The following CSNK1G1 variants were observed in gnomAD, a reference collection of about 807,000 sequenced individuals.
CSNK1G1 encodes casein kinase I isoform gamma-1.
CSNK1G1 carries 22 observed loss-of-function variants against 59.6 expected under a neutral mutation model. The ratio of observed to expected loss-of-function variants is 0.37; its 90% CI spans 0.26 to 0.53. The LOEUF is 0.53. Among genes scored for constraint, CSNK1G1 ranks in the 20% least tolerant of loss-of-function variants. CSNK1G1 has a pLI of 0.89. For missense variants in CSNK1G1, 384 were observed against 519.5 expected (o/e 0.74, Z 2.54); for synonymous variants, 179 against 177.1 (o/e 1.01, Z -0.08).
chr15:64,165,699 A>G lies in CSNK1G1; in HGVS notation c.*6232T>C, dbSNP rs925261532. ...AAATGAGCCGAGGGAGATTAAAAAC[A>G]GACAAACCAATCAACCAACCAAACA... On this transcript the variant is annotated 3_prime_UTR_variant, in exon 12 of 12. Coordinates refer to ENST00000303052, the MANE Select transcript of CSNK1G1 (RefSeq NM_022048.5). 3.0e-5 allele frequency: 7 copies of G among 231,922 alleles called. No individual in the cohort carries two copies. Among genetic ancestry groups the G allele is most frequent in the African/African-American group, 1.4e-4 (6 of 44,234 alleles). The allele number at this position is 231,922 out of a possible 1,614,324, so 14.4% of individuals were successfully genotyped here.
At chr15:64,205,622 C>G (rs2082167402) in intron 7 of CSNK1G1, among the ~76,000 whole-genome samples, 1 of 152,172 alleles carries the variant, frequency 6.6e-6, no homozygotes. Context: ...TTGCTGCACT[C>G]AGACTTAAGC....
chr15:64,205,635 T>C (rs1053283397), intron 7 of CSNK1G1, among the ~76,000 whole-genome samples: 1 of 152,278 alleles, frequency 6.6e-6, no homozygotes. Flanking sequence ...ACTTAAGCAA[T>C]AGTGTTCTGA....
intron 2 of CSNK1G1, among the ~76,000 whole-genome samples, chr15:64,294,912 CAA>C (rs937758323): frequency 0.012 from 606 of 51,146 alleles, 1 homozygote; most frequent in African/African-American, 0.024. Context: ...AACTTCGTCT[CAA>C]AAAAAAAAAA....
intron 5 of CSNK1G1, among the ~76,000 whole-genome samples, chr15:64,215,527 T>G (rs777889822): frequency 6.6e-6 from 1 of 152,198 alleles, no homozygotes; most frequent in Non-Finnish European, 1.5e-5. Flanking sequence ...CTACTAACTT[T>G]TAGTAGAGAA....
chr15:64,299,546 C>G (rs113922470), intron 2 of CSNK1G1, among the ~76,000 whole-genome samples: 1 of 151,284 alleles, frequency 6.6e-6, no homozygotes, highest in East Asian at 1.9e-4. Context: ...GAGCCGAGAT[C>G]GCGCCACTGC....
intron 2 of CSNK1G1, among the ~76,000 whole-genome samples, chr15:64,287,534 G>A (rs980940734): frequency 1.3e-5 from 2 of 152,108 alleles, no homozygotes; most frequent in Non-Finnish European, 2.9e-5. Flanking sequence ...CTGTTAACCA[G>A]CAATACATAT....
In CSNK1G1 at chr15:64,169,997, C is replaced by G. The variant is rs2081646404; in HGVS notation, c.*1934G>C. 1 of 152,222 alleles carries G rather than the reference C, an allele frequency of 6.6e-6. No homozygotes were observed. The highest frequency in any genetic ancestry group is 2.1e-4 in the South Asian group (1 of 4,826). The allele number at this position is 152,222 out of a possible 1,614,324, so 9.4% of individuals were successfully genotyped here. On this transcript the variant is annotated 3_prime_UTR_variant, in exon 12 of 12. Coordinates refer to ENST00000303052, the MANE Select transcript of CSNK1G1 (RefSeq NM_022048.5). ...CTCCAGTACAAAAGACAGCCCTGCA[C>G]CTCAAACCAGAGGTGAAGACTTCTA...
At chr15:64,251,625 G>GAAAAATCC in intron 3 of CSNK1G1, 44 bp from the exon 4 acceptor site, 2 of 1,414,918 alleles carry the variant, frequency 1.4e-6, no homozygotes, top group Non-Finnish European at 2.0e-6. Flanking sequence ...TAAACAAATG[G>GAAAAATCC]GATTTTTCCA....
rs2082312197 is a variant in CSNK1G1, at chr15:64,216,410, C to T, written c.444+152G>A. 5.6e-6 allele frequency: 4 copies of T among 709,408 alleles called. No homozygotes were observed. The highest frequency in any genetic ancestry group is 9.2e-6 in the Non-Finnish European group (4 of 436,192). 43.9% of individuals were successfully genotyped at this position (709,408 alleles called of 1,614,324 possible). On this transcript the variant is annotated intron_variant, in intron 5 of 11. Coordinates refer to ENST00000303052, the MANE Select transcript of CSNK1G1 (RefSeq NM_022048.5). This position sits in a 1 kb window ranked among gnomAD's most constrained non-coding sequence, Gnocchi z 4.6. ...TGTAGTGTGACTTCTCTGAATTTAC[C>T]CTTTTTGCCCCAGCCAGCTTCCCAG...
chr15:64,246,795 C>T (rs1891784525), intron 4 of CSNK1G1, among the ~76,000 whole-genome samples: 1 of 152,066 alleles, frequency 6.6e-6, no homozygotes, highest in Admixed American at 6.6e-5. Context: ...TCAGAGACCT[C>T]CATTTTCCTG....
chr15:64,299,632 G>A (rs1895218762), intron 2 of CSNK1G1, among the ~76,000 whole-genome samples: 1 of 151,270 alleles, frequency 6.6e-6, no homozygotes, highest in Non-Finnish European at 1.5e-5. Context: ...AATACCCAAT[G>A]TACCTTCTTC....
intron 2 of CSNK1G1, among the ~76,000 whole-genome samples, chr15:64,287,992 C>T (rs1041024884): frequency 6.6e-6 from 1 of 151,960 alleles, no homozygotes; most frequent in African/African-American, 2.4e-5. Context: ...ATTGAATAAA[C>T]AAATGGTAAA....
intron 2 of CSNK1G1, among the ~76,000 whole-genome samples, chr15:64,281,372 A>G (rs1894121351): frequency 6.6e-6 from 1 of 152,202 alleles, no homozygotes; most frequent in Admixed American, 6.5e-5. Flanking sequence ...TGGAAGGGCG[A>G]GGCAGGAAGA....
intron 10 of CSNK1G1, among the ~76,000 whole-genome samples, chr15:64,190,567 A>G (rs1185443349): frequency 6.6e-6 from 1 of 152,156 alleles, no homozygotes; most frequent in Non-Finnish European, 1.5e-5. Flanking sequence ...GGCATGTGCC[A>G]CCATGCCTGG....
At chr15:64,203,694 TAAAAA>T (rs531367701) in intron 9 of CSNK1G1, among the ~76,000 whole-genome samples, 3 of 56,178 alleles carry the variant, frequency 5.3e-5, no homozygotes, top group African/African-American at 1.5e-4. Flanking sequence ...TGAAACTCCG[TAAAAA>T]AAAAAAAAAA....
chr15:64,252,071 A>C (rs1892117308), intron 3 of CSNK1G1, among the ~76,000 whole-genome samples: 1 of 151,740 alleles, frequency 6.6e-6, no homozygotes, highest in South Asian at 2.1e-4. Context: ...AGGCACTATT[A>C]ACATTTTAGT....
rs1427607372 is a variant in CSNK1G1, at chr15:64,176,078, T to G, written c.1215-4093A>C. The stretch of plus-strand genomic sequence containing the variant: ...AGATGGGTTTGAAAGAAGGAATAGA[T>G]TAATTCCTGGGTACAGGCCTGCCCC... On this transcript the variant is annotated intron_variant, in intron 11 of 11. Transcript: ENST00000303052. This position sits in a 1 kb window ranked among gnomAD's most constrained non-coding sequence, Gnocchi z 5.2. Among the ~76,000 whole-genome samples, 25 of 152,306 alleles carry G rather than the reference T, an allele frequency of 1.6e-4. No individual in the cohort carries two copies.
intron 2 of CSNK1G1, among the ~76,000 whole-genome samples, chr15:64,276,148 T>C (rs1399106945): frequency 6.6e-6 from 1 of 152,072 alleles, no homozygotes; most frequent in Non-Finnish European, 1.5e-5. Flanking sequence ...CATTTATAAA[T>C]AGCATCAAAG....
chr15:64,355,392 T>C (rs1411689453), intron 1 of CSNK1G1, among the ~76,000 whole-genome samples: 3 of 152,172 alleles, frequency 2.0e-5, no homozygotes, highest in Admixed American at 6.5e-5. Flanking sequence ...GCCTGCCCAC[T>C]TGGGGGACAT....
Sources: gnomAD v4.1 joint callset for allele counts (sites outside exome capture counted in the v4.1 genomes callset) on GRCh38, gnomAD v4.1.1 for gene constraint, Gnocchi (gnomAD v3.1) non-coding constraint, MANE v1.5 for transcripts, NCBI Gene and HGNC (gene_info 2026-07-23, HGNC 2026-07-21) for gene names.